Variants in SNAP91 observed in about 807,000 individuals in gnomAD.
SNAP91 encodes the protein clathrin coat assembly protein AP180.
A neutral mutation model predicts 100.3 loss-of-function variants in SNAP91; 27 were observed. That is an observed-to-expected ratio of 0.27 (90% CI 0.20 to 0.37). SNAP91 has a LOEUF of 0.37. Among genes scored for constraint, SNAP91 ranks in the 10% least tolerant of loss-of-function variants. The pLI, the probability that SNAP91 is intolerant of heterozygous loss-of-function variation, is 1.00. For missense variants in SNAP91, 986 were observed against 1,123.7 expected, an observed-to-expected ratio of 0.88 and a Z score of 1.75; for synonymous variants, 404 against 398.6, an observed-to-expected ratio of 1.01 and a Z score of -0.16.
chr6:83,594,125 G>GA (rs199858420), intron 17 of SNAP91, among the ~76,000 whole-genome samples: 128 of 150,156 alleles, frequency 8.5e-4, no homozygotes, highest in Middle Eastern at 6.8e-3. Flanking sequence ...TATAGCATTA[G>GA]AAAAAAAAAC....
chr6:83,687,058 G>C (rs2099070097), intron 2 of SNAP91, among the ~76,000 whole-genome samples: 1 of 152,156 alleles, frequency 6.6e-6, no homozygotes, highest in African/African-American at 2.4e-5. Context: ...GACTTAACAT[G>C]ACTTATTTGA....
Position 83,686,158 on chromosome 6 carries a change from T to C in SNAP91, c.131-20577A>G, listed in dbSNP as rs1272191838. On this transcript the variant is annotated intron_variant, in intron 2 of 29. Transcript: ENST00000369694. ...TTGCTTAAATTCTAGCCTTCCTTAA[T>C]ATCCCACAATCAACACTGTTTTTTG... 4.1e-6 allele frequency: 4 copies of C among 985,184 alleles called. No individual in the cohort carries two copies. In the African/African-American group the frequency reaches 7.0e-5, roughly 17 times the overall value. 61.0% of individuals were successfully genotyped at this position (985,184 alleles called of 1,614,324 possible).
chr6:83,581,746 C>A (rs1236001341), intron 23 of SNAP91, among the ~76,000 whole-genome samples: 1 of 152,054 alleles, frequency 6.6e-6, no homozygotes, highest in African/African-American at 2.4e-5. Flanking sequence ...GAAGAGAATA[C>A]AAACAAAATG....
intron 26 of SNAP91, among the ~76,000 whole-genome samples, chr6:83,566,367 C>G (rs1796567322): frequency 1.3e-5 from 2 of 151,808 alleles, no homozygotes; most frequent in Non-Finnish European, 2.9e-5. Flanking sequence ...AATTTTATCT[C>G]AATAAAAATT....
chr6:83,701,134 AG>A (rs2099298689), intron 2 of SNAP91, among the ~76,000 whole-genome samples: 1 of 145,764 alleles, frequency 6.9e-6, no homozygotes, highest in South Asian at 2.3e-4. Context: ...GTGGGAAAAA[AG>A]AAAAAGCAAA....
At chr6:83,616,783 G>C (rs764371955) in intron 10 of SNAP91, among the ~76,000 whole-genome samples, 186 bp downstream of exon 10, 1 of 152,146 alleles carries the variant, frequency 6.6e-6, no homozygotes, top group Non-Finnish European at 1.5e-5. Flanking sequence ...TTAGCCTGCA[G>C]AGAGATTGTC....
Position 83,592,516 on chromosome 6 carries a change from A to T in SNAP91, c.1869T>A (p.Ser623=). The part of the protein sequence containing the change: ...LLSVDAFAAP[S]PATTASPAKV... The stretch of plus-strand genomic sequence containing the variant: ...TTGCTGGCGAGGCAGTGGTTGCAGG[A>T]GATGGTGCTGCAAATGCATCCACTG... The change falls in exon 21 of 30, where the codon TCT becomes TCA. Residue 623 remains serine (S), a synonymous_variant. Coordinates refer to ENST00000369694, the MANE Select transcript of SNAP91 (RefSeq NM_001242792.2). 6.2e-7 allele frequency: 1 copy of T among 1,610,032 alleles called. No individual in the cohort carries two copies. Among genetic ancestry groups the T allele is most frequent in the African/African-American group, 1.3e-5 (1 of 74,970 alleles).
At chr6:83,575,893 C>A in intron 25 of SNAP91, 130 bp downstream of exon 25, 1 of 611,064 alleles carries the variant, frequency 1.6e-6, no homozygotes. Context: ...AAATAAACAC[C>A]AATTGTGAAA....
chr6:83,677,295 T>C (rs1018084132), intron 2 of SNAP91, among the ~76,000 whole-genome samples: 2 of 152,126 alleles, frequency 1.3e-5, no homozygotes, highest in African/African-American at 2.4e-5. Context: ...CAAAATGCTC[T>C]CAATGTAGAC....
At chr6:83,698,180 CAAAG>C (rs2099245743) in intron 2 of SNAP91, among the ~76,000 whole-genome samples, 5 of 151,740 alleles carry the variant, frequency 3.3e-5, no homozygotes, top group Admixed American at 3.3e-4. Context: ...TAGGCAAAAA[CAAAG>C]AATAGGAAAA....
chr6:83,664,562 G>A (rs2098638649), intron 3 of SNAP91, among the ~76,000 whole-genome samples: 1 of 152,084 alleles, frequency 6.6e-6, no homozygotes. Flanking sequence ...CCTGAAGATG[G>A]GACTGAATTG....
chr6:83,660,387 A>T (rs985034117), intron 5 of SNAP91, among the ~76,000 whole-genome samples: 53 of 152,238 alleles, frequency 3.5e-4, no homozygotes, highest in African/African-American at 1.3e-3. Context: ...TGGTAAAAAA[A>T]GTAGCCCCAA....
At chr6:83,626,863 G>C (rs1002402270) in intron 8 of SNAP91, among the ~76,000 whole-genome samples, 11 of 151,806 alleles carry the variant, frequency 7.2e-5, no homozygotes, top group Non-Finnish European at 1.6e-4. Flanking sequence ...TCTCTATCCT[G>C]ACTGCTCTGT....
intron 2 of SNAP91, among the ~76,000 whole-genome samples, chr6:83,669,255 A>C (rs998468502): frequency 2.6e-5 from 4 of 152,018 alleles, no homozygotes; most frequent in Non-Finnish European, 5.9e-5. Flanking sequence ...AAATGCTCTC[A>C]TAAGTAGTTA....
chr6:83,644,300 G>A (rs2097832761), intron 7 of SNAP91, among the ~76,000 whole-genome samples: 1 of 151,964 alleles, frequency 6.6e-6, no homozygotes, highest in African/African-American at 2.4e-5. Context: ...CGATCATTGT[G>A]GATTTAGGTC....
At chr6:83,689,803 C>A (rs907591966) in intron 2 of SNAP91, among the ~76,000 whole-genome samples, 2 of 152,136 alleles carry the variant, frequency 1.3e-5, no homozygotes, top group East Asian at 3.9e-4. Context: ...AAATTTGTTT[C>A]CAAACATTTT....
intron 25 of SNAP91, chr6:83,575,690 T>C: frequency 3.9e-6 from 1 of 254,276 alleles, no homozygotes; most frequent in Non-Finnish European, 7.3e-6. Flanking sequence ...TGAAAGACTT[T>C]TTAAAATTCA....
intron 28 of SNAP91, among the ~76,000 whole-genome samples, chr6:83,556,520 T>A (rs1056486430): frequency 3.3e-5 from 5 of 152,194 alleles, no homozygotes; most frequent in Admixed American, 1.3e-4. Context: ...ACTGGTAAAA[T>A]ATACTTCAAC....
chr6:83,696,444 G>C (rs1250624730), intron 2 of SNAP91, among the ~76,000 whole-genome samples: 1 of 152,158 alleles, frequency 6.6e-6, no homozygotes, highest in Non-Finnish European at 1.5e-5. Flanking sequence ...AAAATGAAAA[G>C]GCTGATCAAC....
Sources: gnomAD v4.1 joint callset for allele counts (sites outside exome capture counted in the v4.1 genomes callset) on GRCh38, gnomAD v4.1.1 for gene constraint, MANE v1.5 for transcripts, NCBI Gene and HGNC (gene_info 2026-07-23, HGNC 2026-07-21) for gene names.